The following SCN1A variants were observed in gnomAD, a reference collection of about 807,000 sequenced individuals.
SCN1A encodes the protein sodium channel protein type 1 subunit alpha.
SCN1A carries 13 observed loss-of-function variants against 193.7 expected under a neutral mutation model. That is an observed-to-expected ratio of 0.07 (90% CI 0.04 to 0.11). The LOEUF (loss-of-function observed/expected upper bound fraction) is 0.11, where lower values mean the gene tolerates loss of function less well. Ranked by LOEUF, SCN1A falls within the 10% of genes least tolerant of loss-of-function variation. The pLI is 1.00. For missense variants in SCN1A, 1,432 were observed against 2,451.1 expected, an observed-to-expected ratio of 0.58 and a Z score of 8.78; for synonymous variants, 781 against 843.6, an observed-to-expected ratio of 0.93 and a Z score of 1.29.
At chr2:166,136,006 C>T (rs1489654987) in intron 1 of SCN1A, among the ~76,000 whole-genome samples, 1 of 152,234 alleles carries the variant, frequency 6.6e-6, no homozygotes, top group Admixed American at 6.5e-5. Flanking sequence ...CAAACAGATT[C>T]TTCTGCTCAT....
chr2:166,037,664 T>A lies in SCN1A; in HGVS notation c.2946+112A>T, dbSNP rs528723329. 592 of 945,068 alleles carry A rather than the reference T, an allele frequency of 6.3e-4. No homozygotes were observed. The African/African-American group carries it at 7.8e-3, about 12-fold the overall frequency. 58.5% of individuals were successfully genotyped at this position (945,068 alleles called of 1,614,324 possible). The stretch of plus-strand genomic sequence containing the variant: ...ACCATTAAATTATACTCTTTTTTTT[T>A]ATTATACTTTAAGTTTTAGGGTACA... On this transcript the variant is annotated intron_variant, in intron 18 of 28. Transcript: ENST00000674923.
In SCN1A at chr2:166,012,225, C is replaced by T. The variant is rs777939538; in HGVS notation, c.3763G>A (p.Ala1255Thr). ...AAAATGTAAGTGAAAACCTTGTCAG[C>T]ATATTCCAACATCGTCTTAATCGTC... ...RKTIKTMLEYADKVFTYIFIL... is the reference protein window; with the variant it reads ...RKTIKTMLEYTDKVFTYIFIL... The change falls in exon 22 of 29, where the codon GCT becomes ACT. Residue 1255 changes from alanine to threonine, a missense_variant. By Grantham distance (58) the Ala-to-Thr change is moderately conservative. Around this residue, in one of 18 missense-constraint regions of SCN1A, gnomAD observed 107 missense variants for 259.4 expected, o/e 0.41. Transcript: ENST00000674923. 4 of 1,610,158 alleles carry T rather than the reference C, an allele frequency of 2.5e-6. No homozygotes were observed. Among genetic ancestry groups the T allele is most frequent in the African/African-American group, 1.3e-5 (1 of 74,796 alleles).
intron 19 of SCN1A, among the ~76,000 whole-genome samples, chr2:166,034,577 T>C (rs896267890): frequency 6.6e-6 from 1 of 152,226 alleles, no homozygotes. Context: ...TAAAGGTGCT[T>C]TGTCCTAGAC....
At chr2:166,009,634 G>A (rs992236780) in intron 23 of SCN1A, 85 bp downstream of exon 23, 2 of 1,338,860 alleles carry the variant, frequency 1.5e-6, no homozygotes, top group African/African-American at 1.5e-5. Flanking sequence ...CATTCCTTTT[G>A]CATGCATAGA....
At chr2:165,985,514 A>G (rs1234327226), downstream of SCN1A, 1 of 152,154 alleles carries the variant, frequency 6.6e-6, no homozygotes, top group African/African-American at 2.4e-5. Context: ...GAAGTTTATA[A>G]TGATGTCCTC....
chr2:165,993,781 C>A, intron 28 of SCN1A: 2 of 276,520 alleles, frequency 7.2e-6, no homozygotes, highest in East Asian at 6.5e-5. Context: ...TTCTCTAAAG[C>A]AATTTTCGTG....
chr2:166,138,063 T>C (rs1691933360), intron 1 of SCN1A, among the ~76,000 whole-genome samples: 1 of 152,140 alleles, frequency 6.6e-6, no homozygotes, highest in Non-Finnish European at 1.5e-5. Flanking sequence ...GGAGAGATGA[T>C]TTAGGGTATG....
chr2:166,048,093 C>T (rs1009701693), intron 10 of SCN1A, among the ~76,000 whole-genome samples: 1 of 145,628 alleles, frequency 6.9e-6, no homozygotes, highest in Non-Finnish European at 1.5e-5. Flanking sequence ...AAAAGAACAA[C>T]ATTGTTATTA....
intron 2 of SCN1A, among the ~76,000 whole-genome samples, chr2:166,111,440 A>G (rs75104838): frequency 6.9e-6 from 1 of 145,598 alleles, no homozygotes; most frequent in African/African-American, 2.5e-5. Context: ...TACTGCTCAG[A>G]AAAAAAAAAA....
At chr2:165,995,989 C>T (rs1689979390) in intron 27 of SCN1A, 24 bp downstream of exon 27, 1 of 1,437,626 alleles carries the variant, frequency 7.0e-7, no homozygotes, top group African/African-American at 1.4e-5. Context: ...GTATTTTTCC[C>T]CCATATCATT....
At position 165,992,466 on chromosome 2, in the gene SCN1A, C is replaced by A; in HGVS notation, c.4853-44G>T. On this transcript the variant is annotated intron_variant, in intron 28 of 28. Coordinates refer to ENST00000674923, the MANE Select transcript of SCN1A (RefSeq NM_001165963.4). The surrounding 1 kb of genome is among the most constrained non-coding windows in gnomAD (Gnocchi z 6.5). ...AATACCAACCAGTGAAGAAATCATG[C>A]GTTAAAATAAACATATGTTTCTTCT... is the stretch of plus-strand genomic sequence containing the variant. 1.2e-6 allele frequency: 2 copies of A among 1,606,718 alleles called. No individual in the cohort carries two copies. The highest frequency in any genetic ancestry group is 1.1e-5 in the South Asian group (1 of 90,914).
At chr2:166,140,215 C>T (rs1383453671) in intron 1 of SCN1A, among the ~76,000 whole-genome samples, 2 of 152,104 alleles carry the variant, frequency 1.3e-5, no homozygotes, top group Non-Finnish European at 2.9e-5. Flanking sequence ...TAAGGCCATA[C>T]TAAAACTCTC....
At chr2:166,040,262 AC>A (rs1340081439) in intron 16 of SCN1A, among the ~76,000 whole-genome samples, 1 of 151,964 alleles carries the variant, frequency 6.6e-6, no homozygotes, top group Non-Finnish European at 1.5e-5. Flanking sequence ...ATACCAAACT[AC>A]CTTTTTGTCC....
rs1388266795 is a variant in SCN1A, at chr2:165,989,385, T to C, written c.*1860A>G. 1 of 152,448 alleles carries C rather than the reference T, an allele frequency of 6.6e-6. No individual in the cohort carries two copies. Among genetic ancestry groups the C allele is most frequent in the Non-Finnish European group, 1.5e-5 (1 of 67,996 alleles). 9.4% of individuals were successfully genotyped at this position (152,448 alleles called of 1,614,324 possible). A position where few individuals can be genotyped will look rare whatever the true frequency, so the allele number is the denominator to read the frequency against. ...TCTGTTTTTGTGGAAAAAAAAATTATGAAGCCCACATTCTATTTAGAACAA... is the reference window on the plus strand; with the variant it reads ...TCTGTTTTTGTGGAAAAAAAAATTACGAAGCCCACATTCTATTTAGAACAA... On this transcript the variant is annotated 3_prime_UTR_variant, in exon 29 of 29. Transcript: ENST00000674923.
Position 165,987,228 on chromosome 2 carries a change from G to C in SCN1A, c.*4017C>G, listed in dbSNP as rs1208044207. The C allele has an allele frequency of 1.3e-5, 2 of 152,042 alleles. No homozygotes were observed. Among genetic ancestry groups the C allele is most frequent in the Non-Finnish European group, 2.9e-5 (2 of 67,996 alleles). 9.4% of individuals were successfully genotyped at this position (152,042 alleles called of 1,614,324 possible). A position where few individuals can be genotyped will look rare whatever the true frequency, so the allele number is the denominator to read the frequency against. On this transcript the variant is annotated 3_prime_UTR_variant, in exon 29 of 29. Transcript: ENST00000674923. ...TTGACTGTGTACCAAGAAGTAATGT[G>C]GCCCTTTCAGTATATCTTATCAGGA...
chr2:166,096,831 A>C (rs1687437864), intron 2 of SCN1A, among the ~76,000 whole-genome samples: 1 of 152,028 alleles, frequency 6.6e-6, no homozygotes, highest in African/African-American at 2.4e-5. Flanking sequence ...TTTTTATTGA[A>C]ATTTGAAGAT....
At chr2:166,111,631 A>G (rs916605907) in intron 2 of SCN1A, among the ~76,000 whole-genome samples, 3 of 152,174 alleles carry the variant, frequency 2.0e-5, no homozygotes, top group Non-Finnish European at 4.4e-5. Context: ...TTATAAGACT[A>G]TAGCTGCTAT....
intron 2 of SCN1A, among the ~76,000 whole-genome samples, chr2:166,120,279 A>G (rs1215639762): frequency 6.6e-6 from 1 of 151,620 alleles, no homozygotes; most frequent in East Asian, 1.9e-4. Context: ...TTAAAACAAA[A>G]ACTTTATAAA....
intron 2 of SCN1A, among the ~76,000 whole-genome samples, chr2:166,098,339 C>G (rs1407517251): frequency 6.6e-6 from 1 of 152,046 alleles, no homozygotes; most frequent in Non-Finnish European, 1.5e-5. Context: ...ATGTTAAAAA[C>G]CCTCAACAAA....
Sources: allele counts gnomAD v4.1 joint callset (sites outside exome capture counted in the v4.1 genomes callset), GRCh38; gene constraint gnomAD v4.1.1; regional missense constraint gnomAD v4.1.1; non-coding constraint Gnocchi (gnomAD v3.1); transcripts MANE v1.5; gene names NCBI Gene and HGNC (gene_info 2026-07-23, HGNC 2026-07-21).